Variants in STXBP5L observed in about 807,000 individuals in gnomAD.
STXBP5L encodes the protein syntaxin binding protein 5L.
In STXBP5L, 65 loss-of-function variants were observed where a neutral mutation model predicts 144.5. The observed-to-expected ratio is 0.45, with a 90% CI of 0.37 to 0.55. STXBP5L has a LOEUF of 0.55. Ranked by LOEUF, STXBP5L falls within the 20% of genes least tolerant of loss-of-function variation. The probability of loss-of-function intolerance (pLI) is 0.00; values close to 1 mark genes in which losing one functional copy is unlikely to be tolerated. For missense variants in STXBP5L, 1,298 were observed against 1,405.5 expected, an observed-to-expected ratio of 0.92 and a Z score of 1.22; for synonymous variants, 505 against 469.6, an observed-to-expected ratio of 1.08 and a Z score of -0.97.
intron 5 of STXBP5L, among the ~76,000 whole-genome samples, chr3:121,053,349 AG>A (rs1472961788): frequency 6.6e-6 from 1 of 152,188 alleles, no homozygotes; most frequent in Non-Finnish European, 1.5e-5. Context: ...CTATACTACA[AG>A]GCTACAGTAA....
chr3:121,164,788 C>T (rs1255659060), intron 9 of STXBP5L, among the ~76,000 whole-genome samples: 2 of 152,100 alleles, frequency 1.3e-5, no homozygotes, highest in Non-Finnish European at 2.9e-5. Context: ...AAGCTAGACA[C>T]AGAAGGAAAA....
chr3:121,369,349 T>C (rs983165441), intron 20 of STXBP5L, among the ~76,000 whole-genome samples: 1 of 151,970 alleles, frequency 6.6e-6, no homozygotes, highest in African/African-American at 2.4e-5. Flanking sequence ...GGCTTTTTTT[T>C]TTTTAATGGT....
intron 25 of STXBP5L, among the ~76,000 whole-genome samples, chr3:121,416,476 TTTATTTATTTA>T (rs2047237226): frequency 5.3e-3 from 1 of 188 alleles, no homozygotes; most frequent in Non-Finnish European, 0.014. Flanking sequence ...TAGATTTTTA[TTTATTTATTTA>T]TTTATTTATT....
intron 5 of STXBP5L, among the ~76,000 whole-genome samples, chr3:121,102,505 C>T (rs1292111537): frequency 1.3e-5 from 2 of 152,004 alleles, no homozygotes; most frequent in African/African-American, 4.8e-5. Context: ...ACTTGGCTAC[C>T]CATATGCAGA....
rs181667210 is a variant in STXBP5L, at chr3:121,089,452, T to C, written c.471-25473T>C. Among the ~76,000 whole-genome samples, 19 of 152,084 alleles carry C rather than the reference T, an allele frequency of 1.2e-4. No homozygotes were observed. The East Asian group carries it at 3.5e-3, about 28-fold the overall frequency. On this transcript the variant is annotated intron_variant, in intron 5 of 26. Coordinates refer to ENST00000471454, the MANE Select transcript of STXBP5L (RefSeq NM_001308330.2). ...ACTTCCTCCTGGTCTCTGTGGTTTC[T>C]GATGAGAAATCTACTGTCATTGGAA...
intron 20 of STXBP5L, among the ~76,000 whole-genome samples, chr3:121,324,085 C>T (rs919121059): frequency 2.8e-4 from 42 of 152,230 alleles, no homozygotes; most frequent in African/African-American, 9.9e-4. Flanking sequence ...TCTCAGTGCA[C>T]AATCTACAAC....
At chr3:121,028,968 A>G (rs1172887719) in intron 3 of STXBP5L, among the ~76,000 whole-genome samples, 2 of 152,298 alleles carry the variant, frequency 1.3e-5, no homozygotes, top group East Asian at 3.9e-4. Flanking sequence ...AATACAACAT[A>G]CAAGGGATGT....
intron 20 of STXBP5L, among the ~76,000 whole-genome samples, chr3:121,331,944 A>C (rs1178018021): frequency 2.6e-5 from 4 of 152,078 alleles, no homozygotes; most frequent in African/African-American, 7.2e-5. Flanking sequence ...CCAGCATCTG[A>C]GAAAGCCATC....
chr3:120,982,520 C>T (rs1287509510), intron 3 of STXBP5L, among the ~76,000 whole-genome samples: 1 of 152,184 alleles, frequency 6.6e-6, no homozygotes, highest in Non-Finnish European at 1.5e-5. Flanking sequence ...TCATGACTCT[C>T]AGTTTAGTCA....
intron 5 of STXBP5L, among the ~76,000 whole-genome samples, chr3:121,057,745 A>G (rs1211407300): frequency 6.6e-6 from 1 of 151,980 alleles, no homozygotes; most frequent in Non-Finnish European, 1.5e-5. Context: ...TCTTAAACTT[A>G]ACTTTTGCAT....
chr3:121,090,637 A>C (rs1190357580), intron 5 of STXBP5L, among the ~76,000 whole-genome samples: 2 of 152,100 alleles, frequency 1.3e-5, no homozygotes, highest in Middle Eastern at 6.3e-3. Flanking sequence ...ACAGATCTGA[A>C]TTGTCTAAAA....
intron 5 of STXBP5L, among the ~76,000 whole-genome samples, chr3:121,113,269 C>A (rs2044078948): frequency 6.6e-6 from 1 of 152,068 alleles, no homozygotes; most frequent in Non-Finnish European, 1.5e-5. Flanking sequence ...AGTGTTTTTT[C>A]CACTGTCCCT....
intron 3 of STXBP5L, among the ~76,000 whole-genome samples, chr3:120,962,430 A>G (rs1938960344): frequency 6.6e-6 from 1 of 152,152 alleles, no homozygotes; most frequent in Non-Finnish European, 1.5e-5. Flanking sequence ...TAATTCTTTA[A>G]TCCATCTTGA....
At chr3:121,190,361 C>T (rs193079326) in intron 9 of STXBP5L, among the ~76,000 whole-genome samples, 2,233 of 152,196 alleles carry the variant, frequency 0.015, 25 homozygotes, top group Non-Finnish European at 0.022. Context: ...TCAGAGAGCA[C>T]GGGGTTGGGG....
chr3:121,079,172 G>A (rs1045598997), intron 5 of STXBP5L, among the ~76,000 whole-genome samples: 41 of 152,348 alleles, frequency 2.7e-4, no homozygotes, highest in African/African-American at 8.2e-4. Context: ...CGGCTCAGCC[G>A]GACATATGTC....
At chr3:121,363,602 T>C (rs1023640550) in intron 20 of STXBP5L, among the ~76,000 whole-genome samples, 6 of 141,916 alleles carry the variant, frequency 4.2e-5, no homozygotes, top group African/African-American at 1.5e-4. Flanking sequence ...ACCCAGATAC[T>C]CTACACACCA....
At chr3:121,160,703 A>G (rs1181434478) in intron 9 of STXBP5L, among the ~76,000 whole-genome samples, 1 of 152,114 alleles carries the variant, frequency 6.6e-6, no homozygotes, top group Non-Finnish European at 1.5e-5. Context: ...GTAAGTACTG[A>G]TGAGATTGAA....
chr3:120,996,014 T>C (rs1943319852), intron 3 of STXBP5L, among the ~76,000 whole-genome samples: 3 of 152,232 alleles, frequency 2.0e-5, no homozygotes, highest in Admixed American at 1.3e-4. Context: ...TGAAGGATAT[T>C]TTTTTCTGGG....
At chr3:121,206,047 A>G (rs1478719154) in intron 10 of STXBP5L, 46 bp downstream of exon 10, 1 of 1,149,130 alleles carries the variant, frequency 8.7e-7, no homozygotes, top group Non-Finnish European at 1.2e-6. Context: ...AGCAGAGACA[A>G]AAAATGCAGA....
Sources: allele counts gnomAD v4.1 joint callset (sites outside exome capture counted in the v4.1 genomes callset), GRCh38; gene constraint gnomAD v4.1.1; transcripts MANE v1.5; gene names NCBI Gene and HGNC (gene_info 2026-07-23, HGNC 2026-07-21).